The following DOCK8 variants were observed in gnomAD, a reference collection of about 807,000 sequenced individuals.
DOCK8 encodes the protein dedicator of cytokinesis protein 8.
A neutral mutation model predicts 245.6 loss-of-function variants in DOCK8; 141 were observed. That is an observed-to-expected ratio of 0.57 (90% CI 0.50 to 0.66). DOCK8 has a LOEUF of 0.66. DOCK8 is among the 30% of genes least tolerant of loss of function. The pLI, the probability that DOCK8 is intolerant of heterozygous loss-of-function variation, is 0.00. For missense variants in DOCK8, 2,965 were observed against 2,603.4 expected (o/e 1.14, Z -3.02); for synonymous variants, 1,168 against 970.2 (o/e 1.20, Z -3.79).
At position 312,179 on chromosome 9, in the gene DOCK8, G is replaced by A; in HGVS notation, c.741+13G>A. On this transcript the variant is annotated intron_variant, in intron 6 of 47. Transcript: ENST00000432829. ...ATCAGTGGACGAGGTGGGTGCCACT[G>A]TTTCCATACTGGAGAATCTCAGTGA... 1.9e-6 allele frequency: 3 copies of A among 1,613,798 alleles called. No individual in the cohort carries two copies. The highest frequency in any genetic ancestry group is 2.5e-6 in the Non-Finnish European group (3 of 1,179,756).
chr9:399,101 C>G (rs1399277758), intron 25 of DOCK8, 45 bp from the exon 26 acceptor site: 4 of 1,576,534 alleles, frequency 2.5e-6, no homozygotes, highest in Non-Finnish European at 3.5e-6. Context: ...AAGTTCAAAT[C>G]CAGAGTGTCC....
intron 1 of DOCK8, among the ~76,000 whole-genome samples, chr9:216,542 A>AAAAAAG (rs2046757931): frequency 6.6e-6 from 1 of 150,784 alleles, no homozygotes; most frequent in African/African-American, 2.4e-5. Flanking sequence ...ACAGACAAAA[A>AAAAAAG]AAAAAAAAAA....
intron 37 of DOCK8, among the ~76,000 whole-genome samples, chr9:432,975 G>T (rs1769546946): frequency 6.6e-6 from 1 of 152,202 alleles, no homozygotes; most frequent in Non-Finnish European, 1.5e-5. Flanking sequence ...CTGCTCTATG[G>T]TAGGGTCTTA....
intron 1 of DOCK8, among the ~76,000 whole-genome samples, chr9:244,474 C>A (rs1038136779): frequency 2.6e-5 from 4 of 152,034 alleles, no homozygotes; most frequent in African/African-American, 9.7e-5. Context: ...GCACTCTCTA[C>A]TGTTTCTTCC....
chr9:235,372 C>T (rs538276704), intron 1 of DOCK8, among the ~76,000 whole-genome samples: 17 of 152,296 alleles, frequency 1.1e-4, no homozygotes, highest in African/African-American at 2.2e-4. Context: ...GCAGTCTGCC[C>T]GTTCTCAGAT....
intron 1 of DOCK8, among the ~76,000 whole-genome samples, chr9:233,398 A>T (rs1014544069): frequency 6.6e-6 from 1 of 152,188 alleles, no homozygotes; most frequent in Non-Finnish European, 1.5e-5. Flanking sequence ...AGAGTTCTGT[A>T]GATGTCTGTT....
chr9:390,600 T>A (rs1408107860), intron 24 of DOCK8, 34 bp downstream of exon 24: 15 of 1,590,914 alleles, frequency 9.4e-6, no homozygotes, highest in Non-Finnish European at 1.3e-5. Context: ...CTGTGCTCAA[T>A]AGGCCAAGAG....
chr9:342,203 G>A (rs2051633448), intron 14 of DOCK8, among the ~76,000 whole-genome samples: 1 of 151,678 alleles, frequency 6.6e-6, no homozygotes, highest in Non-Finnish European at 1.5e-5. Context: ...CATGAAACCA[G>A]TCCCTGGTGC....
chr9:245,689 A>G (rs1476444271), intron 1 of DOCK8, among the ~76,000 whole-genome samples: 1 of 152,196 alleles, frequency 6.6e-6, no homozygotes, highest in Non-Finnish European at 1.5e-5. Flanking sequence ...AGTGCTGTGA[A>G]TAAAGGAAAA....
chr9:235,388 G>C (rs2047221124), intron 1 of DOCK8, among the ~76,000 whole-genome samples: 1 of 152,208 alleles, frequency 6.6e-6, no homozygotes, highest in African/African-American at 2.4e-5. Flanking sequence ...CAGATCTGAA[G>C]CTGTGTGCTG....
At chr9:390,656 C>A in intron 24 of DOCK8, 90 bp downstream of exon 24, 2 of 1,283,312 alleles carry the variant, frequency 1.6e-6, no homozygotes, top group Non-Finnish European at 2.3e-6. Context: ...CTGAGTTGCC[C>A]CTGCTGAAAA....
chr9:227,875 A>T (rs2047024047), intron 1 of DOCK8, among the ~76,000 whole-genome samples: 1 of 152,086 alleles, frequency 6.6e-6, no homozygotes, highest in Non-Finnish European at 1.5e-5. Flanking sequence ...AGGAGGGGGG[A>T]TTTGGCCAAC....
chr9:334,928 A>G (rs960479877), intron 11 of DOCK8, among the ~76,000 whole-genome samples: 4 of 152,048 alleles, frequency 2.6e-5, no homozygotes, highest in Admixed American at 1.3e-4. Flanking sequence ...CTAAAAATAC[A>G]AAAAATTTGC....
intron 44 of DOCK8, among the ~76,000 whole-genome samples, chr9:449,364 A>C (rs982647261): frequency 4.0e-5 from 6 of 149,338 alleles, no homozygotes; most frequent in African/African-American, 1.5e-4. Flanking sequence ...TAAATAAATA[A>C]ATAAATAAGT....
intron 1 of DOCK8, among the ~76,000 whole-genome samples, chr9:244,499 A>G (rs1005471399): frequency 3.9e-5 from 6 of 152,112 alleles, no homozygotes; most frequent in Non-Finnish European, 8.8e-5. Context: ...ACTTGTCACA[A>G]TTTGTAAGTC....
In DOCK8 at chr9:449,865, C is replaced by A. The variant is rs750736390; in HGVS notation, c.5899C>A (p.Pro1967Thr). ...LQLAVAINQE[P>T]PDAKMLQMVL... Reference sequence around the variant, plus strand: ...GTTAGCAGTTGCCATTAACCAGGAGCCGCCTGATGCAAAGATGCTTCAGAT... The same window carrying A: ...GTTAGCAGTTGCCATTAACCAGGAGACGCCTGATGCAAAGATGCTTCAGAT... The change falls in exon 45 of 48, where the codon CCG (proline) becomes ACG (threonine). Residue 1967 changes from proline (P) to threonine (T), a missense_variant. Coordinates refer to ENST00000432829, the MANE Select transcript of DOCK8 (RefSeq NM_203447.4). 3 of 1,613,628 alleles carry A rather than the reference C, an allele frequency of 1.9e-6. No individual in the cohort carries two copies. The highest frequency in any genetic ancestry group is 1.7e-5 in the Admixed American group (1 of 59,992).
chr9:365,872 A>G (rs554058136), intron 14 of DOCK8: 2 of 325,420 alleles, frequency 6.1e-6, no homozygotes, highest in African/African-American at 4.3e-5. Flanking sequence ...CTGCACCCCA[A>G]CTGTCAACTG....
chr9:362,668 T>A (rs2052786392), intron 14 of DOCK8, among the ~76,000 whole-genome samples: 1 of 152,200 alleles, frequency 6.6e-6, no homozygotes, highest in South Asian at 2.1e-4. Flanking sequence ...AAGGGTCCAG[T>A]CGCTTAAACA....
chr9:271,895 C>G (rs1443124360), intron 2 of DOCK8, among the ~76,000 whole-genome samples, 166 bp downstream of exon 2: 2 of 152,176 alleles, frequency 1.3e-5, no homozygotes, highest in African/African-American at 4.8e-5. Context: ...ATCCCTCTCT[C>G]TCTCTGCCAA....
Sources: gnomAD v4.1 joint callset for allele counts (sites outside exome capture counted in the v4.1 genomes callset) on GRCh38, gnomAD v4.1.1 for gene constraint, MANE v1.5 for transcripts, NCBI Gene and HGNC (gene_info 2026-07-23, HGNC 2026-07-21) for gene names.